Variants in ZFYVE1 observed in about 807,000 individuals in gnomAD.
ZFYVE1 encodes the protein zinc finger FYVE domain-containing protein 1.
Under a neutral mutation model 74.4 loss-of-function variants are expected in ZFYVE1, and 30 were observed. That is an observed-to-expected ratio of 0.40 (90% CI 0.30 to 0.55). The LOEUF (loss-of-function observed/expected upper bound fraction) is 0.55. ZFYVE1 is among the 20% of genes least tolerant of loss of function. The pLI is 0.42. For missense variants in ZFYVE1, 703 were observed against 1,011.6 expected (o/e 0.69, Z 4.14); for synonymous variants, 335 against 385.1 (o/e 0.87, Z 1.52).
intron 2 of ZFYVE1, among the ~76,000 whole-genome samples, chr14:73,001,643 T>C (rs1893874342): frequency 6.6e-6 from 1 of 152,074 alleles, no homozygotes; most frequent in Non-Finnish European, 1.5e-5. Flanking sequence ...CCCCCAATTA[T>C]CATATGGAGA....
chr14:73,016,866 C>T (rs1196981275), intron 2 of ZFYVE1, among the ~76,000 whole-genome samples: 1 of 152,052 alleles, frequency 6.6e-6, no homozygotes, highest in Non-Finnish European at 1.5e-5. Flanking sequence ...AAGAGCAAAA[C>T]TCCAGTTCCC....
intron 2 of ZFYVE1, among the ~76,000 whole-genome samples, chr14:73,023,405 AATAT>A (rs1180484796): frequency 2.2e-5 from 3 of 134,630 alleles, no homozygotes; most frequent in South Asian, 2.2e-4. Flanking sequence ...TTTTATATAT[AATAT>A]ATATTTTATG....
At chr14:73,006,863 G>A (rs1023038619) in intron 2 of ZFYVE1, among the ~76,000 whole-genome samples, 2 of 151,408 alleles carry the variant, frequency 1.3e-5, no homozygotes, top group Non-Finnish European at 2.9e-5. Flanking sequence ...CTACAGACAC[G>A]TGCCACCATA....
intron 4 of ZFYVE1, among the ~76,000 whole-genome samples, chr14:72,988,684 G>A (rs577224278): frequency 6.0e-5 from 9 of 151,244 alleles, no homozygotes; most frequent in Admixed American, 2.6e-4. Flanking sequence ...GTGTGTGCCC[G>A]TAATCCAGGC....
At chr14:73,011,596 T>C (rs1894092960) in intron 2 of ZFYVE1, among the ~76,000 whole-genome samples, 1 of 151,758 alleles carries the variant, frequency 6.6e-6, no homozygotes, top group African/African-American at 2.4e-5. Flanking sequence ...CTTGGCTCAC[T>C]GCAACTTCCA....
intron 2 of ZFYVE1, among the ~76,000 whole-genome samples, chr14:73,023,326 TATATTATATATGTTTTATATATA>T (rs1894375097): frequency 1.2e-5 from 1 of 81,242 alleles, no homozygotes; most frequent in Non-Finnish European, 2.6e-5. Context: ...ATATATAATA[TATATTATATATGTTTTATATATA>T]ATATATATTA....
At chr14:73,014,034 G>C (rs1406065782) in intron 2 of ZFYVE1, among the ~76,000 whole-genome samples, 1 of 152,042 alleles carries the variant, frequency 6.6e-6, no homozygotes, top group East Asian at 1.9e-4. Context: ...GTTAATCCTG[G>C]CTCAAAAAGC....
chr14:72,996,740 T>C (rs1191080592), intron 3 of ZFYVE1, among the ~76,000 whole-genome samples: 1 of 152,198 alleles, frequency 6.6e-6, no homozygotes, highest in Non-Finnish European at 1.5e-5. Flanking sequence ...ACCGTACCTG[T>C]AAGTACGGAG....
At chr14:72,991,960 G>A (rs981522195) in intron 4 of ZFYVE1, among the ~76,000 whole-genome samples, 3 of 150,708 alleles carry the variant, frequency 2.0e-5, no homozygotes, top group African/African-American at 7.4e-5. Flanking sequence ...AGGCTGGAGT[G>A]CAGTGGGACA....
intron 2 of ZFYVE1, among the ~76,000 whole-genome samples, chr14:73,008,083 G>A (rs1894016796): frequency 6.6e-6 from 1 of 152,196 alleles, no homozygotes; most frequent in Non-Finnish European, 1.5e-5. Flanking sequence ...ACTACCAGTG[G>A]TGCTTCTGAC....
chr14:73,007,645 G>T (rs1894007224), intron 2 of ZFYVE1, among the ~76,000 whole-genome samples: 1 of 152,022 alleles, frequency 6.6e-6, no homozygotes. Flanking sequence ...AAAGCACTTG[G>T]GATTATAGGT....
chr14:72,977,357 G>GA (rs1893202087), intron 8 of ZFYVE1, among the ~76,000 whole-genome samples: 1 of 152,026 alleles, frequency 6.6e-6, no homozygotes, highest in Admixed American at 6.6e-5. Flanking sequence ...AGTGAGCCAA[G>GA]AGAGCCAAGA....
At chr14:72,983,509 T>C (rs1362440633) in intron 4 of ZFYVE1, among the ~76,000 whole-genome samples, 5 of 152,088 alleles carry the variant, frequency 3.3e-5, no homozygotes. Flanking sequence ...GCTTCATCCA[T>C]GTCCCTACAA....
In ZFYVE1 at chr14:72,975,374, T is replaced by C. The variant is rs531366205; in HGVS notation, c.1806+177A>G. Among the ~76,000 whole-genome samples the C allele has an allele frequency of 9.2e-5, 14 of 152,254 alleles. No individual in the cohort carries two copies. Among genetic ancestry groups the C allele is most frequent in the African/African-American group, 3.4e-4 (14 of 41,542 alleles). ...GCAGGAAAACACGAAGGGAAATCAA[T>C]GGGCAAAGAGAAACTGGCTGCCTCA... On this transcript the variant is annotated intron_variant, in intron 9 of 11. Transcript: ENST00000556143. This position sits in a 1 kb window ranked among gnomAD's most constrained non-coding sequence, Gnocchi z 4.1.
chr14:73,023,473 T>C (rs1387329374), intron 2 of ZFYVE1, among the ~76,000 whole-genome samples: 1 of 144,666 alleles, frequency 6.9e-6, no homozygotes. Context: ...ATAATATATA[T>C]ATGAAGAGAC....
At chr14:73,025,965 T>C (rs1473247371) in intron 1 of ZFYVE1, among the ~76,000 whole-genome samples, 1 of 152,028 alleles carries the variant, frequency 6.6e-6, no homozygotes, top group Non-Finnish European at 1.5e-5. Context: ...ATAATAAACT[T>C]TAGATCTATC....
chr14:73,002,567 C>T (rs1045211593), intron 2 of ZFYVE1, among the ~76,000 whole-genome samples: 26 of 151,348 alleles, frequency 1.7e-4, no homozygotes, highest in African/African-American at 6.3e-4. Flanking sequence ...CTCAAACTCC[C>T]GAGTAGCTGG....
chr14:73,002,681 G>C (rs1326247251), intron 2 of ZFYVE1, among the ~76,000 whole-genome samples: 1 of 151,580 alleles, frequency 6.6e-6, no homozygotes, highest in African/African-American at 2.4e-5. Context: ...AGCCAAAGGA[G>C]TGAGGAAGCT....
At chr14:73,025,524 C>A (rs1418141455) in intron 1 of ZFYVE1, among the ~76,000 whole-genome samples, 1 of 151,326 alleles carries the variant, frequency 6.6e-6, no homozygotes, top group Admixed American at 6.6e-5. Flanking sequence ...GGTGAAATCC[C>A]ATCTCTACTA....
Sources: allele counts gnomAD v4.1 joint callset (sites outside exome capture counted in the v4.1 genomes callset), GRCh38; gene constraint gnomAD v4.1.1; non-coding constraint Gnocchi (gnomAD v3.1); transcripts MANE v1.5; gene names NCBI Gene and HGNC (gene_info 2026-07-23, HGNC 2026-07-21).